The following PANK4 variants were observed in gnomAD, a reference collection of about 807,000 sequenced individuals.
PANK4 encodes the protein 4'-phosphopantetheine phosphatase.
Under a neutral mutation model 87.9 loss-of-function variants are expected in PANK4, and 40 were observed. The observed-to-expected ratio is 0.46, with a 90% CI of 0.35 to 0.59. PANK4 has a LOEUF of 0.59. PANK4 is among the 20% of genes least tolerant of loss of function. PANK4 has a pLI of 0.00. For synonymous variants in PANK4, 524 were observed against 467.4 expected, an observed-to-expected ratio of 1.12 and a Z score of -1.56; for missense variants, 926 against 1,072.3, an observed-to-expected ratio of 0.86 and a Z score of 1.90.
intron 10 of PANK4, among the ~76,000 whole-genome samples, chr1:2,514,924 T>C (rs970968743): frequency 6.6e-6 from 1 of 152,140 alleles, no homozygotes; most frequent in Middle Eastern, 3.4e-3. Flanking sequence ...GCCCCCATCC[T>C]GTGCCGGGGA....
chr1:2,518,630 G>C (rs1557444119), intron 7 of PANK4, 33 bp from the exon 8 acceptor site: 2 of 1,527,204 alleles, frequency 1.3e-6, no homozygotes, highest in Non-Finnish European at 1.8e-6. Flanking sequence ...GCTGCTGTTG[G>C]CCCCACACAA....
Position 2,510,258 on chromosome 1 carries a change from G to A in PANK4, c.1939-101C>T. ...AGTGGCTGGGCTGGGTGAGGGTGCT[G>A]TGCCCAGCGGGCCTGGCCAGCCACC... On this transcript the variant is annotated intron_variant, in intron 16 of 18. Transcript: ENST00000378466. The surrounding 1 kb of genome is among the most constrained non-coding windows in gnomAD (Gnocchi z 4.9). The A allele has an allele frequency of 1.3e-6, 1 of 790,936 alleles. No individual in the cohort carries two copies. Among genetic ancestry groups the A allele is most frequent in the Non-Finnish European group, 2.2e-6 (1 of 460,952 alleles). 49.0% of individuals were successfully genotyped at this position (790,936 alleles called of 1,614,324 possible). A position where few individuals can be genotyped will look rare whatever the true frequency, so the allele number is the denominator to read the frequency against.
At position 2,526,535 on chromosome 1, in the gene PANK4, T is replaced by C. The variant is rs746581756; in HGVS notation, c.53A>G (p.Lys18Arg). The change falls in exon 1 of 19, where the codon AAG becomes AGG. Residue 18 changes from lysine (K) to arginine (R), a missense_variant. Transcript: ENST00000378466. ...CTCGTCGGGGGGCAGCGTGATGCTC[T>C]TGTCCAGACTGTCCCCGCTGCTCCC... is the stretch of plus-strand genomic sequence containing the variant. ...GSGSSGDSLD[K>R]SITLPPDEIF... 6.3e-7 allele frequency: 1 copy of C among 1,595,364 alleles called. No individual in the cohort carries two copies. The highest frequency in any genetic ancestry group is 8.5e-7 in the Non-Finnish European group (1 of 1,172,060).
At chr1:2,524,806 C>A (rs1381279434) in intron 1 of PANK4, among the ~76,000 whole-genome samples, 2 of 152,240 alleles carry the variant, frequency 1.3e-5, no homozygotes, top group Non-Finnish European at 2.9e-5. Context: ...AGTGTAAGGG[C>A]AGCAGAACCT....
rs368443792 is a variant in PANK4, at chr1:2,508,738, C to T, written c.*109G>A. 63 of 701,770 alleles carry T rather than the reference C, an allele frequency of 9.0e-5. No homozygotes were observed. The highest frequency in any genetic ancestry group is 3.4e-4 in the South Asian group (19 of 56,588). 43.5% of individuals were successfully genotyped at this position (701,770 alleles called of 1,614,324 possible). A position where few individuals can be genotyped will look rare whatever the true frequency, so the allele number is the denominator to read the frequency against. On this transcript the variant is annotated 3_prime_UTR_variant, in exon 19 of 19. Coordinates refer to ENST00000378466, the MANE Select transcript of PANK4 (RefSeq NM_018216.4). This position sits in a 1 kb window ranked among gnomAD's most constrained non-coding sequence, Gnocchi z 5.1. ...CTGTGCGGCTGGGGTGTATGTGCCG[C>T]GTCACAGCAGTACCATATAAATACG...
Position 2,520,867 on chromosome 1 carries a change from C to A in PANK4, c.462G>T (p.Gly154=). 2 of 1,572,924 alleles carry A rather than the reference C, an allele frequency of 1.3e-6. No individual in the cohort carries two copies. The highest frequency in any genetic ancestry group is 1.4e-5 in the African/African-American group (1 of 73,370). ...GGATGTTCTTGAGCACGAAGTTGCA[C>A]CCCTTAATCAGGCACGTCATCACGT... is the stretch of plus-strand genomic sequence containing the variant. ...KEDVMTCLIK[G]CNFVLKNIPH... is the part of the protein sequence containing the mutation. The change falls in exon 4 of 19, where the codon GGG becomes GGT. Residue 154 remains glycine (G), a synonymous_variant. Transcript: ENST00000378466. The surrounding 1 kb of genome is among the most constrained non-coding windows in gnomAD (Gnocchi z 6.2).
At chr1:2,514,845 G>C (rs532963496) in intron 10 of PANK4, among the ~76,000 whole-genome samples, 14 of 152,180 alleles carry the variant, frequency 9.2e-5, no homozygotes, top group South Asian at 8.3e-4. Context: ...TGGGAGGCAG[G>C]AGCAGGAGTG....
chr1:2,516,210 G>T (rs1219595106), intron 9 of PANK4, among the ~76,000 whole-genome samples: 2 of 152,112 alleles, frequency 1.3e-5, no homozygotes, highest in Non-Finnish European at 2.9e-5. Flanking sequence ...CTAAGCACCA[G>T]GCAGTGTTCC....
intron 9 of PANK4, among the ~76,000 whole-genome samples, 189 bp downstream of exon 9, chr1:2,517,975 G>A (rs923366709): frequency 1.3e-5 from 2 of 152,258 alleles, no homozygotes; most frequent in Admixed American, 1.3e-4. Flanking sequence ...CAATGAGGGA[G>A]ATGGGAAAGC....
intron 8 of PANK4, 87 bp downstream of exon 8, chr1:2,518,429 C>A: frequency 2.4e-6 from 3 of 1,226,564 alleles, no homozygotes; most frequent in Non-Finnish European, 3.5e-6. Flanking sequence ...CACCCCACCT[C>A]CACCCTGGGC....
In PANK4 at chr1:2,526,362, G is replaced by A. The variant is rs2100804213; in HGVS notation, c.124+102C>T. The stretch of plus-strand genomic sequence containing the variant: ...GCCCGTGAGGCTGTGCGCGAGGCCC[G>A]CGCCCCCGCCCTTCGTCCTTCCCGC... On this transcript the variant is annotated intron_variant, in intron 1 of 18. Coordinates refer to ENST00000378466, the MANE Select transcript of PANK4 (RefSeq NM_018216.4). 6.0e-6 allele frequency: 4 copies of A among 668,844 alleles called. No homozygotes were observed. In the South Asian group the frequency reaches 1.9e-4, roughly 32 times the overall value. 41.4% of individuals were successfully genotyped at this position (668,844 alleles called of 1,614,324 possible).
At chr1:2,517,702 G>C (rs897443733) in intron 9 of PANK4, among the ~76,000 whole-genome samples, 2 of 152,266 alleles carry the variant, frequency 1.3e-5, no homozygotes, top group Non-Finnish European at 2.9e-5. Context: ...CAAGGAATGA[G>C]CCGGGACACC....
chr1:2,519,324 T>C lies in PANK4; in HGVS notation c.854A>G (p.Glu285Gly), dbSNP rs1377095611. ...CTTCGCCATGTCTTCTTTGGAGAACTCTGAGGAAGGGAAGGAAAAGGCACT... is the reference window on the plus strand; with the variant it reads ...CTTCGCCATGTCTTCTTTGGAGAACCCTGAGGAAGGGAAGGAAAAGGCACT... ...SFGKSATADQ[E>G]FSKEDMAKSL... Residue 285 changes from glutamate (E) to glycine (G), a missense_variant and splice_region_variant, in exon 7 of 19, where the codon GAG (glutamate) becomes GGG (glycine). By Grantham distance (98) the Glu-to-Gly change is moderately conservative. Coordinates refer to ENST00000378466, the MANE Select transcript of PANK4 (RefSeq NM_018216.4). The surrounding 1 kb of genome is among the most constrained non-coding windows in gnomAD (Gnocchi z 8.3). The C allele has an allele frequency of 2.5e-6, 4 of 1,600,164 alleles. No individual in the cohort carries two copies. Among genetic ancestry groups the C allele is most frequent in the Admixed American group, 1.7e-5 (1 of 59,164 alleles).
Position 2,511,320 on chromosome 1 carries a change from G to A in PANK4, c.1833+18C>T. 6.3e-7 allele frequency: 1 copy of A among 1,588,840 alleles called. No homozygotes were observed. On this transcript the variant is annotated intron_variant, in intron 15 of 18. Coordinates refer to ENST00000378466, the MANE Select transcript of PANK4 (RefSeq NM_018216.4). The stretch of plus-strand genomic sequence containing the variant: ...CGCTGTGTCCCCAGCAGCAGAGGTG[G>A]GAGGCCCCTCCACATACCTTTAATC...
At chr1:2,521,995 T>C (rs1643879582) in intron 1 of PANK4, 195 bp from the exon 2 acceptor site, 2 of 591,110 alleles carry the variant, frequency 3.4e-6, no homozygotes, top group Admixed American at 2.9e-5. Context: ...TACACTTTTC[T>C]TTCTCAAATT....
chr1:2,521,708 G>A lies in PANK4; in HGVS notation c.207+10C>T. The A allele has an allele frequency of 1.2e-6, 2 of 1,610,248 alleles. No individual in the cohort carries two copies. Among genetic ancestry groups the A allele is most frequent in the South Asian group, 2.2e-5 (2 of 91,018 alleles). On this transcript the variant is annotated intron_variant, in intron 2 of 18. Coordinates refer to ENST00000378466, the MANE Select transcript of PANK4 (RefSeq NM_018216.4). ...CTGCCCTGCCCCGGGTGGCCACAGTGCAGGCTCACCTTTCCGGAGTGGTCG... is the reference window on the plus strand; with the variant it reads ...CTGCCCTGCCCCGGGTGGCCACAGTACAGGCTCACCTTTCCGGAGTGGTCG...
chr1:2,515,585 A>C lies in PANK4; in HGVS notation c.1351T>G (p.Cys451Gly), dbSNP rs1643755838. ...DALARKYWLT[C>G]FEEALDGVVK... is the part of the protein sequence containing the mutation. ...ACCCCGTCCAGGGCCTCCTCAAAGC[A>C]GGTGAGCCAGTATTTTCGGGCCAGA... Residue 451 changes from cysteine to glycine, a missense_variant, in exon 10 of 19, where the codon TGC (cysteine) becomes GGC (glycine). Coordinates refer to ENST00000378466, the MANE Select transcript of PANK4 (RefSeq NM_018216.4). This position sits in a 1 kb window ranked among gnomAD's most constrained non-coding sequence, Gnocchi z 5.0. The C allele has an allele frequency of 6.2e-7, 1 of 1,613,084 alleles. No homozygotes were observed. The highest frequency in any genetic ancestry group is 1.1e-5 in the South Asian group (1 of 91,066).
At position 2,518,214 on chromosome 1, in the gene PANK4, T is replaced by A. The variant is rs150093784; in HGVS notation, c.1168A>T (p.Met390Leu). 36 of 1,611,754 alleles carry A rather than the reference T, an allele frequency of 2.2e-5. No homozygotes were observed. The African/African-American group carries it at 4.0e-4, about 18-fold the overall frequency. ...GENYAGSSGL[M>L]SASPELGPAQ... is the part of the protein sequence containing the mutation. The stretch of plus-strand genomic sequence containing the variant: ...GGGCCGAGCTCGGGTGATGCACTCA[T>A]CAGCCCGGAGCTGCCTGCATAGTTC... The change falls in exon 9 of 19, where the codon ATG becomes TTG. Residue 390 changes from methionine (M) to leucine (L), a missense_variant. Coordinates refer to ENST00000378466, the MANE Select transcript of PANK4 (RefSeq NM_018216.4).
Position 2,520,196 on chromosome 1 carries a change from A to T in PANK4, c.699+126T>A. Reference sequence around the variant, plus strand: ...AAGAGTGAAGCCGCAGAGGCCAGAGACCCACTGACGCGAGTCAGGAGGGAG... The same window carrying T: ...AAGAGTGAAGCCGCAGAGGCCAGAGTCCCACTGACGCGAGTCAGGAGGGAG... On this transcript the variant is annotated intron_variant, in intron 5 of 18. Coordinates refer to ENST00000378466, the MANE Select transcript of PANK4 (RefSeq NM_018216.4). This position sits in a 1 kb window ranked among gnomAD's most constrained non-coding sequence, Gnocchi z 6.2. The T allele has an allele frequency of 1.1e-6, 1 of 893,242 alleles. No homozygotes were observed. Among genetic ancestry groups the T allele is most frequent in the Non-Finnish European group, 1.8e-6 (1 of 557,452 alleles). 55.3% of individuals were successfully genotyped at this position (893,242 alleles called of 1,614,324 possible).
Sources: gnomAD v4.1 joint callset for allele counts (sites outside exome capture counted in the v4.1 genomes callset) on GRCh38, gnomAD v4.1.1 for gene constraint, Gnocchi (gnomAD v3.1) non-coding constraint, MANE v1.5 for transcripts, NCBI Gene and HGNC (gene_info 2026-07-23, HGNC 2026-07-21) for gene names.